The following SPATA31H1 variants were observed in gnomAD, a reference collection of about 807,000 sequenced individuals.
SPATA31H1 encodes the protein spermatogenesis-associated protein 31H1.
At chr2:27,550,116 T>C in the SPATA31H1 span, among the ~76,000 whole-genome samples, 1 of 152,056 alleles carries the variant, frequency 6.6e-6, no homozygotes, top group Non-Finnish European at 1.5e-5. Context: ...CTGCAAATGA[T>C]AATTTTATTT....
At chr2:27,572,272 C>T in the SPATA31H1 span, 4 of 398,348 alleles carry the variant, frequency 1.0e-5, no homozygotes, top group African/African-American at 6.2e-5. Flanking sequence ...ACTGTAGAGC[C>T]ACAGATTCAA....
the SPATA31H1 span, among the ~76,000 whole-genome samples, chr2:27,542,783 C>G: frequency 4.6e-5 from 7 of 151,980 alleles, no homozygotes; most frequent in Non-Finnish European, 8.8e-5. Context: ...GAGCACAGAC[C>G]TTGCCTCCAC....
the SPATA31H1 span, chr2:27,574,206 T>C: frequency 1.0e-5 from 4 of 398,530 alleles, no homozygotes; most frequent in Non-Finnish European, 1.8e-5. Context: ...AGGCCCACGG[T>C]TGCAAGATTT....
chr2:27,561,908 C>T, the SPATA31H1 span, among the ~76,000 whole-genome samples: 2 of 152,176 alleles, frequency 1.3e-5, no homozygotes, highest in Non-Finnish European at 2.9e-5. Context: ...GTCACATAGC[C>T]CAGGCTGGTC....
the SPATA31H1 span, chr2:27,578,154 A>G: frequency 3.7e-6 from 6 of 1,614,010 alleles, no homozygotes; most frequent in Non-Finnish European, 4.2e-6. Context: ...AAAGTCTGTG[A>G]CGATACCAAG....
the SPATA31H1 span, among the ~76,000 whole-genome samples, chr2:27,538,700 G>A: frequency 1.2e-3 from 186 of 152,098 alleles, 1 homozygote; most frequent in African/African-American, 2.0e-3. Flanking sequence ...GCGTGGTGGC[G>A]TGCACCTGTA....
the SPATA31H1 span, chr2:27,581,506 G>C: frequency 1.9e-6 from 3 of 1,580,566 alleles, no homozygotes; most frequent in South Asian, 3.3e-5. Context: ...TCTCAGAGAA[G>C]ACATCACAGT....
the SPATA31H1 span, chr2:27,576,338 C>T: frequency 2.5e-5 from 12 of 479,150 alleles, no homozygotes; most frequent in Non-Finnish European, 4.4e-5. Context: ...TCAACTCTGG[C>T]CCGCAGCTGC....
chr2:27,566,220 C>G, the SPATA31H1 span: 1 of 710,900 alleles, frequency 1.4e-6, no homozygotes, highest in South Asian at 1.5e-5. Context: ...AGTTAAATCT[C>G]TCTTATTGTT....
At chr2:27,565,495 G>A in the SPATA31H1 span, 2 of 695,540 alleles carry the variant, frequency 2.9e-6, no homozygotes, top group Non-Finnish European at 5.3e-6. Context: ...AAAAGAGGAT[G>A]TAAATGGAAG....
the SPATA31H1 span, among the ~76,000 whole-genome samples, chr2:27,550,761 G>A: frequency 6.6e-6 from 1 of 151,970 alleles, no homozygotes; most frequent in East Asian, 1.9e-4. Flanking sequence ...CTCTATGTGA[G>A]ATGGTTATAT....
the SPATA31H1 span, among the ~76,000 whole-genome samples, chr2:27,558,921 G>A: frequency 9.8e-6 from 1 of 102,238 alleles, no homozygotes; most frequent in African/African-American, 4.2e-5. Flanking sequence ...GGGAGAGGGA[G>A]GGGGAGGGAG....
At chr2:27,577,306 T>A in the SPATA31H1 span, 1 of 1,613,840 alleles carries the variant, frequency 6.2e-7, no homozygotes, top group Non-Finnish European at 8.5e-7. This position sits in a 1 kb window ranked among gnomAD's most constrained non-coding sequence, Gnocchi z 4.5. Flanking sequence ...CGGCCCCGAG[T>A]TAAGGATGTG....
the SPATA31H1 span, among the ~76,000 whole-genome samples, chr2:27,560,858 A>G: frequency 1.3e-5 from 2 of 152,190 alleles, no homozygotes; most frequent in African/African-American, 4.8e-5. Context: ...CAACCCAGAT[A>G]ATGTGAACTT....
At chr2:27,581,158 A>G in the SPATA31H1 span, 2 of 1,614,068 alleles carry the variant, frequency 1.2e-6, no homozygotes, top group African/African-American at 2.7e-5. Flanking sequence ...TGGCACCGAC[A>G]TCTTAAAGAC....
chr2:27,568,291 C>T, the SPATA31H1 span: 1,129 of 398,890 alleles, frequency 2.8e-3, 4 homozygotes, highest in African/African-American at 6.9e-3. Flanking sequence ...CATGCAGTTA[C>T]GGAAACTGTG....
At chr2:27,556,300 A>G in the SPATA31H1 span, among the ~76,000 whole-genome samples, 1 of 144,636 alleles carries the variant, frequency 6.9e-6, no homozygotes, top group South Asian at 2.2e-4. Flanking sequence ...TTTTTTTTTA[A>G]TAGACTGTAT....
At chr2:27,542,842 A>ATCCCAGAC in the SPATA31H1 span, among the ~76,000 whole-genome samples, 1 of 151,954 alleles carries the variant, frequency 6.6e-6, no homozygotes, top group South Asian at 2.1e-4. Flanking sequence ...CATGCCTGTA[A>ATCCCAGAC]TCCCAGAACT....
the SPATA31H1 span, among the ~76,000 whole-genome samples, chr2:27,561,472 C>T: frequency 2.2e-4 from 33 of 152,226 alleles, no homozygotes; most frequent in African/African-American, 7.0e-4. Context: ...GTGTGTGTGG[C>T]GGAAACATTT....
Sources: gnomAD v4.1 joint callset for allele counts (sites outside exome capture counted in the v4.1 genomes callset) on GRCh38, gnomAD v4.1.1 for gene constraint, Gnocchi (gnomAD v3.1) non-coding constraint, MANE v1.5 for transcripts, NCBI Gene and HGNC (gene_info 2026-07-23, HGNC 2026-07-21) for gene names.